UEVLD: variants seen among roughly 807,000 people sequenced by gnomAD.
UEVLD encodes the protein UEV and lactate/malate dehyrogenase domains, also known as ubiquitin-conjugating enzyme E2 variant 3.
A neutral mutation model predicts 58.6 loss-of-function variants in UEVLD; 47 were observed. That is an observed-to-expected ratio of 0.80 (90% CI 0.63 to 1.02). The LOEUF (loss-of-function observed/expected upper bound fraction) is 1.02. Ranked by LOEUF, UEVLD falls within the 50% of genes least tolerant of loss-of-function variation. The probability of loss-of-function intolerance (pLI) is 0.00; values close to 1 mark genes in which losing one functional copy is unlikely to be tolerated. For synonymous variants in UEVLD, 197 were observed against 195.3 expected (o/e 1.01, Z -0.07); for missense variants, 510 against 550.6 (o/e 0.93, Z 0.74).
chr11:18,565,817 C>CAAAAAAAT (rs1554980916), intron 5 of UEVLD, among the ~76,000 whole-genome samples: 1 of 148,734 alleles, frequency 6.7e-6, no homozygotes, highest in Non-Finnish European at 1.5e-5. Flanking sequence ...GACTCCATCT[C>CAAAAAAAT]AAAAAAATAA....
chr11:18,584,079 C>T (rs78572948), intron 1 of UEVLD, among the ~76,000 whole-genome samples: 2,584 of 152,112 alleles, frequency 0.017, 62 homozygotes, highest in African/African-American at 0.058. Flanking sequence ...TTAATATAAA[C>T]GAAGGAATAT....
intron 7 of UEVLD, among the ~76,000 whole-genome samples, chr11:18,548,214 G>A (rs969481960): frequency 1.3e-5 from 2 of 152,144 alleles, no homozygotes; most frequent in Admixed American, 1.3e-4. Context: ...ACGTTATGCT[G>A]TTACAACTAT....
rs376056575 is a variant in UEVLD at position 18,544,700 on chromosome 11, T to C, written c.983A>G (p.Tyr328Cys). Residue 328 changes from tyrosine to cysteine, a missense_variant, in exon 9 of 12, where the codon TAT (tyrosine) becomes TGT (cysteine). By Grantham distance (194) the Tyr-to-Cys change is radical. Transcript: ENST00000396197. ...GCNLDSQRLQ[Y>C]IITNVLKAQT... Reference sequence around the variant, plus strand: ...TGCCTTCAAAACATTTGTAATAATATACTGTAATCTCTGTGAATCCAGATT... The same window carrying C: ...TGCCTTCAAAACATTTGTAATAATACACTGTAATCTCTGTGAATCCAGATT... 6.3e-7 allele frequency: 1 copy of C among 1,585,778 alleles called. No individual in the cohort carries two copies. The highest frequency in any genetic ancestry group is 8.5e-7 in the Non-Finnish European group (1 of 1,171,116).
chr11:18,560,138 C>CACACACACACACAG (rs368897951), intron 6 of UEVLD, among the ~76,000 whole-genome samples: 1,887 of 74,210 alleles, frequency 0.025, 117 homozygotes, highest in South Asian at 0.029. Flanking sequence ...CACACACACA[C>CACACACACACACAG]AGAGAGAGAA....
intron 6 of UEVLD, among the ~76,000 whole-genome samples, chr11:18,561,967 TTGC>T (rs1362301467): frequency 6.6e-6 from 1 of 152,206 alleles, no homozygotes; most frequent in Admixed American, 6.5e-5. Context: ...TAAAGGTTAG[TTGC>T]TGCTGCTACC....
rs1267766319 is a variant in UEVLD at position 18,532,246 on chromosome 11, A to C, written c.*74T>G. 7.3e-7 allele frequency: 1 copy of C among 1,364,380 alleles called. No homozygotes were observed. The highest frequency in any genetic ancestry group is 1.5e-5 in the African/African-American group (1 of 67,374). 84.5% of individuals were successfully genotyped at this position (1,364,380 alleles called of 1,614,324 possible). The stretch of plus-strand genomic sequence containing the variant: ...AAGTAGCAGGATACAGAAATCCTCA[A>C]ACCTATATATAGGTAAAATTAAATG... On this transcript the variant is annotated 3_prime_UTR_variant, in exon 12 of 12. Coordinates refer to ENST00000396197, the MANE Select transcript of UEVLD (RefSeq NM_001040697.4).
At chr11:18,568,377 A>G (rs936730111) in intron 4 of UEVLD, among the ~76,000 whole-genome samples, 2 of 152,240 alleles carry the variant, frequency 1.3e-5, no homozygotes, top group African/African-American at 4.8e-5. Context: ...ACTCGAGGAT[A>G]GTTTTGTTTT....
intron 7 of UEVLD, among the ~76,000 whole-genome samples, chr11:18,555,154 C>T (rs575428667): frequency 3.3e-5 from 5 of 152,082 alleles, no homozygotes; most frequent in African/African-American, 9.6e-5. Flanking sequence ...GGGCCAGGTG[C>T]GGTGGCTCAC....
At chr11:18,536,535 A>T in intron 9 of UEVLD, 66 bp from the exon 10 acceptor site, 1 of 1,362,622 alleles carries the variant, frequency 7.3e-7, no homozygotes, top group Non-Finnish European at 1.0e-6. Flanking sequence ...GTGATAACAG[A>T]TCTTTTGGAG....
intron 4 of UEVLD, among the ~76,000 whole-genome samples, chr11:18,568,675 T>C (rs1461726342): frequency 6.6e-6 from 1 of 152,172 alleles, no homozygotes; most frequent in Non-Finnish European, 1.5e-5. Flanking sequence ...ATCCGAAGTA[T>C]GTCCTTTGTT....
At chr11:18,587,026 C>A (rs564280929) in intron 1 of UEVLD, among the ~76,000 whole-genome samples, 4 of 152,052 alleles carry the variant, frequency 2.6e-5, no homozygotes, top group African/African-American at 9.6e-5. Flanking sequence ...AGCGAGACTC[C>A]GTCTCAAAAC....
At chr11:18,581,370 G>C (rs1025865716) in intron 1 of UEVLD, among the ~76,000 whole-genome samples, 18 of 151,808 alleles carry the variant, frequency 1.2e-4, no homozygotes, top group African/African-American at 4.4e-4. Flanking sequence ...TTTCAGCCTA[G>C]AGTCTAGAAC....
intron 9 of UEVLD, among the ~76,000 whole-genome samples, chr11:18,541,182 C>T (rs1851037152): frequency 6.6e-6 from 1 of 152,168 alleles, no homozygotes; most frequent in South Asian, 2.1e-4. Flanking sequence ...CATTCTTACT[C>T]ATTCAATATT....
chr11:18,559,261 C>G (rs977210135), intron 6 of UEVLD, among the ~76,000 whole-genome samples: 16 of 152,014 alleles, frequency 1.1e-4, no homozygotes, highest in African/African-American at 3.9e-4. Flanking sequence ...TGCATTAGCA[C>G]GAGCTCAGCT....
chr11:18,572,218 A>G (rs1852661280), intron 3 of UEVLD, among the ~76,000 whole-genome samples: 1 of 152,226 alleles, frequency 6.6e-6, no homozygotes, highest in Non-Finnish European at 1.5e-5. Flanking sequence ...CCTGGGCGAC[A>G]GTGCGAGACT....
At chr11:18,551,481 C>T (rs1480184716) in intron 7 of UEVLD, among the ~76,000 whole-genome samples, 3 of 145,146 alleles carry the variant, frequency 2.1e-5, no homozygotes, top group African/African-American at 7.5e-5. Flanking sequence ...ATGAATTCAA[C>T]AAACCCCTAC....
intron 1 of UEVLD, 43 bp from the exon 2 acceptor site, chr11:18,578,851 A>G (rs1228128407): frequency 2.1e-6 from 3 of 1,433,276 alleles, no homozygotes; most frequent in South Asian, 2.5e-5. Context: ...TAAAGCTGTA[A>G]GCAAAAGAAC....
intron 8 of UEVLD, 117 bp downstream of exon 8, chr11:18,546,763 T>A: frequency 8.9e-7 from 1 of 1,122,476 alleles, no homozygotes; most frequent in Non-Finnish European, 1.2e-6. Flanking sequence ...ACTCCCAGTG[T>A]TGGGATTACT....
Position 18,575,355 on chromosome 11 carries a change from A to G in UEVLD, c.185T>C (p.Met62Thr). Reference protein sequence around the residue: ...LLNFTGTIPVMYQGNTYNIPI... With the variant: ...LLNFTGTIPVTYQGNTYNIPI... ...TCAACTTCCACACTTACCCTGATAC[A>G]TCACAGGAATTGTGCCAGTAAAATT... The change falls in exon 3 of 12, where the codon ATG (methionine) becomes ACG (threonine). Residue 62 changes from methionine (M) to threonine (T), a missense_variant. Transcript: ENST00000396197. 1 of 1,608,428 alleles carries G rather than the reference A, an allele frequency of 6.2e-7. No individual in the cohort carries two copies. The highest frequency in any genetic ancestry group is 8.5e-7 in the Non-Finnish European group (1 of 1,178,674).
Sources: allele counts gnomAD v4.1 joint callset (sites outside exome capture counted in the v4.1 genomes callset), GRCh38; gene constraint gnomAD v4.1.1; transcripts MANE v1.5; gene names NCBI Gene and HGNC (gene_info 2026-07-23, HGNC 2026-07-21).